Variants in ZNF804B observed in about 807,000 individuals in gnomAD.
ZNF804B encodes zinc finger 804B.
ZNF804B carries 80 observed loss-of-function variants against 101.4 expected under a neutral mutation model. That is an observed-to-expected ratio of 0.79 (90% CI 0.66 to 0.95). The LOEUF is 0.95. ZNF804B is among the 40% of genes least tolerant of loss of function. The probability of loss-of-function intolerance (pLI) is 0.00; values close to 1 mark genes in which losing one functional copy is unlikely to be tolerated. For missense variants in ZNF804B, 1,673 were observed against 1,561.9 expected (o/e 1.07, Z -1.20); for synonymous variants, 622 against 558.8 (o/e 1.11, Z -1.59).
intron 1 of ZNF804B, among the ~76,000 whole-genome samples, chr7:88,808,254 C>T (rs149395471): frequency 0.041 from 6,261 of 151,780 alleles, 315 homozygotes; most frequent in East Asian, 0.27. Flanking sequence ...TGGTGGCATG[C>T]GCCTGTAATC....
chr7:89,051,704 A>G (rs1337777962), intron 1 of ZNF804B, among the ~76,000 whole-genome samples: 1 of 151,986 alleles, frequency 6.6e-6, no homozygotes, highest in African/African-American at 2.4e-5. Context: ...GTTTTATTTC[A>G]TCTTATAAAT....
chr7:88,807,477 C>G (rs545404333), intron 1 of ZNF804B, among the ~76,000 whole-genome samples: 2 of 152,250 alleles, frequency 1.3e-5, no homozygotes, highest in South Asian at 2.1e-4. Flanking sequence ...AGAATGATCG[C>G]TCTGAATACT....
intron 1 of ZNF804B, among the ~76,000 whole-genome samples, chr7:89,007,847 T>C (rs565528965): frequency 1.3e-5 from 2 of 151,552 alleles, no homozygotes; most frequent in African/African-American, 2.4e-5. Flanking sequence ...TTAAAGAACA[T>C]AGGCTTCCAT....
At chr7:88,940,721 TCATGCAA>T (rs1490443358) in intron 1 of ZNF804B, among the ~76,000 whole-genome samples, 1 of 150,616 alleles carries the variant, frequency 6.6e-6, no homozygotes, top group African/African-American at 2.4e-5. Context: ...TGAGCCATGA[TCATGCAA>T]CTGCATGCCA....
At chr7:89,042,846 G>C (rs1053788170) in intron 1 of ZNF804B, among the ~76,000 whole-genome samples, 1 of 152,110 alleles carries the variant, frequency 6.6e-6, no homozygotes, top group African/African-American at 2.4e-5. Context: ...TCATAGATCT[G>C]AGTATCCTGT....
At chr7:88,975,905 T>C (rs1318887287) in intron 1 of ZNF804B, among the ~76,000 whole-genome samples, 1 of 151,648 alleles carries the variant, frequency 6.6e-6, no homozygotes, top group East Asian at 1.9e-4. Flanking sequence ...TTTAATAGTT[T>C]GGGATCTCAG....
At chr7:89,262,022 A>G (rs1363819489) in intron 2 of ZNF804B, among the ~76,000 whole-genome samples, 1 of 152,212 alleles carries the variant, frequency 6.6e-6, no homozygotes, top group African/African-American at 2.4e-5. Flanking sequence ...GTACAACTCT[A>G]GAACTTACGT....
At chr7:88,886,177 A>T (rs1792122796) in intron 1 of ZNF804B, among the ~76,000 whole-genome samples, 1 of 152,070 alleles carries the variant, frequency 6.6e-6, no homozygotes, top group Non-Finnish European at 1.5e-5. Flanking sequence ...TTATTCCAAA[A>T]TTTTATCTGA....
intron 1 of ZNF804B, among the ~76,000 whole-genome samples, chr7:89,074,054 A>G (rs917089180): frequency 1.3e-5 from 2 of 152,162 alleles, no homozygotes; most frequent in African/African-American, 4.8e-5. Context: ...GAGGGAAGTA[A>G]AGATGAGAAA....
chr7:89,235,993 T>A (rs972171468), intron 2 of ZNF804B, among the ~76,000 whole-genome samples: 5 of 152,118 alleles, frequency 3.3e-5, no homozygotes, highest in African/African-American at 1.2e-4. Flanking sequence ...GGAAACCATA[T>A]ATCTGTTTTC....
chr7:89,092,408 G>GTTTTTTTTT (rs71120056), intron 1 of ZNF804B, among the ~76,000 whole-genome samples: 20 of 93,818 alleles, frequency 2.1e-4, no homozygotes, highest in East Asian at 7.3e-4. Flanking sequence ...TTTCTTTTCT[G>GTTTTTTTTT]TTTTTTTTTT....
At chr7:89,103,560 G>A (rs925174654) in intron 1 of ZNF804B, among the ~76,000 whole-genome samples, 13 of 151,760 alleles carry the variant, frequency 8.6e-5, no homozygotes, top group Admixed American at 1.3e-4. Context: ...GTGTACAGAA[G>A]TGCTACTGAT....
At chr7:89,104,377 T>C (rs1583988563) in intron 1 of ZNF804B, among the ~76,000 whole-genome samples, 1 of 152,054 alleles carries the variant, frequency 6.6e-6, no homozygotes, top group African/African-American at 2.4e-5. Context: ...GCATTTTTTG[T>C]TGGGAGATTT....
chr7:89,155,958 T>TC, intron 1 of ZNF804B, among the ~76,000 whole-genome samples: 1 of 151,538 alleles, frequency 6.6e-6, no homozygotes, highest in Non-Finnish European at 1.5e-5. Flanking sequence ...CTACCTTCCC[T>TC]CCTCTGTCTC....
chr7:88,979,408 C>G (rs990588668), intron 1 of ZNF804B, among the ~76,000 whole-genome samples: 8 of 151,722 alleles, frequency 5.3e-5, no homozygotes, highest in African/African-American at 1.9e-4. Context: ...CTGGGAAAGT[C>G]TTTATTTCTC....
At chr7:88,996,870 C>G (rs923629300) in intron 1 of ZNF804B, among the ~76,000 whole-genome samples, 1 of 152,006 alleles carries the variant, frequency 6.6e-6, no homozygotes, top group African/African-American at 2.4e-5. Context: ...GAGTGAAGCC[C>G]TACCTACCAG....
At chr7:88,920,309 A>T (rs1289330490) in intron 1 of ZNF804B, among the ~76,000 whole-genome samples, 1 of 152,078 alleles carries the variant, frequency 6.6e-6, no homozygotes, top group Non-Finnish European at 1.5e-5. Flanking sequence ...ATTAGAGACC[A>T]TGTTACTCCT....
At chr7:88,907,413 G>A (rs1792489743) in intron 1 of ZNF804B, among the ~76,000 whole-genome samples, 1 of 151,998 alleles carries the variant, frequency 6.6e-6, no homozygotes, top group African/African-American at 2.4e-5. Context: ...TTTTGTAGAT[G>A]TGTGATTTTA....
At chr7:88,891,451 G>T (rs1396007971) in intron 1 of ZNF804B, among the ~76,000 whole-genome samples, 1 of 151,866 alleles carries the variant, frequency 6.6e-6, no homozygotes, top group Non-Finnish European at 1.5e-5. Context: ...AACCTTACAT[G>T]TCCTTATGCA....
Sources: allele counts gnomAD v4.1 joint callset (sites outside exome capture counted in the v4.1 genomes callset), GRCh38; gene constraint gnomAD v4.1.1; transcripts MANE v1.5; gene names NCBI Gene and HGNC (gene_info 2026-07-23, HGNC 2026-07-21).